The following LRP1B variants were observed in gnomAD, a reference collection of about 807,000 sequenced individuals.
LRP1B encodes low-density lipoprotein receptor-related protein 1B.
Under a neutral mutation model 556.6 loss-of-function variants are expected in LRP1B, and 217 were observed. That is an observed-to-expected ratio of 0.39 (90% CI 0.35 to 0.44). The LOEUF (loss-of-function observed/expected upper bound fraction) is 0.44, where lower values mean the gene tolerates loss of function less well. LRP1B is among the 20% of genes least tolerant of loss of function. LRP1B has a pLI of 1.00. For synonymous variants in LRP1B, 2,047 were observed against 1,865.8 expected, an observed-to-expected ratio of 1.10 and a Z score of -2.50; for missense variants, 5,053 against 5,620.8, an observed-to-expected ratio of 0.90 and a Z score of 3.23.
At chr2:140,968,208 G>A (rs1320502039) in intron 18 of LRP1B, among the ~76,000 whole-genome samples, 1 of 151,614 alleles carries the variant, frequency 6.6e-6, no homozygotes, top group Non-Finnish European at 1.5e-5. Context: ...CAATTTCAGA[G>A]CCTGTTATTG....
intron 18 of LRP1B, among the ~76,000 whole-genome samples, chr2:140,968,716 T>A (rs1425908229): frequency 6.6e-6 from 1 of 152,196 alleles, no homozygotes; most frequent in East Asian, 1.9e-4. Flanking sequence ...TCCCAGAGAT[T>A]CTGGTATGTT....
chr2:140,547,778 C>G (rs145687001), intron 43 of LRP1B, among the ~76,000 whole-genome samples: 1 of 151,950 alleles, frequency 6.6e-6, no homozygotes, highest in Admixed American at 6.6e-5. Flanking sequence ...TAATCAGTAT[C>G]CACTTTAGAA....
At chr2:140,861,566 T>TC (rs1440605797) in intron 27 of LRP1B, among the ~76,000 whole-genome samples, 2 of 152,200 alleles carry the variant, frequency 1.3e-5, no homozygotes, top group East Asian at 3.9e-4. Flanking sequence ...ACCCAAGCAA[T>TC]CTGGCTCTAG....
chr2:142,024,450 T>C (rs1395567027), intron 1 of LRP1B, among the ~76,000 whole-genome samples: 1 of 152,120 alleles, frequency 6.6e-6, no homozygotes, highest in South Asian at 2.1e-4. Flanking sequence ...AAAATGATGG[T>C]TCCTATCCTT....
rs2105171220 is a variant in LRP1B at position 140,373,028 on chromosome 2, T to C, written c.10748A>G (p.Asp3583Gly). Residue 3583 changes from aspartate to glycine, a missense_variant, in exon 69 of 91, where the codon GAT becomes GGT. Physicochemically the swap from Asp to Gly is moderately conservative, Grantham distance 94 (BLOSUM62 -1). Around this residue, in one of 5 missense-constraint regions of LRP1B, gnomAD observed 599 missense variants for 648.4 expected, o/e 0.92. Coordinates refer to ENST00000389484, the MANE Select transcript of LRP1B (RefSeq NM_018557.3). ...TTTACCTGGCTCACAGCTTTTCTCA[T>C]CTTCCCCATATTTGCAGTCTTCATG... ...DGHEDCKYGE[D>G]EKSCEPASPT... The C allele has an allele frequency of 1.2e-6, 2 of 1,613,476 alleles. No individual in the cohort carries two copies. Among genetic ancestry groups the C allele is most frequent in the Non-Finnish European group, 1.7e-6 (2 of 1,179,646 alleles).
rs933117349 is a variant in LRP1B at position 140,231,763 on chromosome 2, CACATATTTA to C, written c.*1414_*1422del. The C allele has an allele frequency of 2.0e-5, 3 of 151,366 alleles. No individual in the cohort carries two copies. Among genetic ancestry groups the C allele is most frequent in the African/African-American group, 7.3e-5 (3 of 41,198 alleles). 9.4% of individuals were successfully genotyped at this position (151,366 alleles called of 1,614,324 possible). Reference sequence around the variant, plus strand: ...CTTGTACAAAGGGATAAAGAGCAACCACATATTTAACATATTTCATCTGTTAGGTTAATA... The same window carrying C: ...CTTGTACAAAGGGATAAAGAGCAACCACATATTTCATCTGTTAGGTTAATA... On this transcript the variant is annotated 3_prime_UTR_variant, in exon 91 of 91. Coordinates refer to ENST00000389484, the MANE Select transcript of LRP1B (RefSeq NM_018557.3).
chr2:141,883,924 T>C (rs2104899162), intron 1 of LRP1B, among the ~76,000 whole-genome samples: 1 of 152,326 alleles, frequency 6.6e-6, no homozygotes, highest in Non-Finnish European at 1.5e-5. Context: ...CTTTTTATCT[T>C]ATGTATATGA....
At chr2:141,744,030 T>C (rs1208562823) in intron 2 of LRP1B, among the ~76,000 whole-genome samples, 1 of 151,986 alleles carries the variant, frequency 6.6e-6, no homozygotes, top group African/African-American at 2.4e-5. Flanking sequence ...TTTTCTTCTA[T>C]TTATTTTCAG....
At chr2:140,998,490 CCTAGCTTTACA>C (rs1697318928) in intron 15 of LRP1B, among the ~76,000 whole-genome samples, 3 of 151,912 alleles carry the variant, frequency 2.0e-5, no homozygotes. Flanking sequence ...TAATTGATCA[CCTAGCTTTACA>C]CATGCTTCTC....
At chr2:141,952,221 T>C (rs1701126532) in intron 1 of LRP1B, among the ~76,000 whole-genome samples, 2 of 152,024 alleles carry the variant, frequency 1.3e-5, no homozygotes, top group South Asian at 4.2e-4. Context: ...ATGGTGTATA[T>C]GTGCCACATT....
chr2:141,371,826 G>A (rs551782536), intron 3 of LRP1B, among the ~76,000 whole-genome samples: 2 of 151,988 alleles, frequency 1.3e-5, no homozygotes, highest in African/African-American at 4.8e-5. Context: ...GAGATAATTT[G>A]ACTTTCCCTT....
rs149553075 is a variant in LRP1B at position 142,028,786 on chromosome 2, C to G, written c.82+101862G>C. 2.1e-3 allele frequency among the ~76,000 whole-genome samples: 313 copies of G among 152,032 alleles called. 1 individual carries two copies. The highest frequency in any genetic ancestry group is 3.9e-3 in the Non-Finnish European group (267 of 67,896). The stretch of plus-strand genomic sequence containing the variant: ...TAACATTTTGCACTCTCCTCAGCAA[C>G]ATATGAGTTATAATTTCTTCATGCT... On this transcript the variant is annotated intron_variant, in intron 1 of 90. Transcript: ENST00000389484.
intron 3 of LRP1B, among the ~76,000 whole-genome samples, chr2:141,307,129 A>T (rs1417465586): frequency 6.6e-6 from 1 of 152,062 alleles, no homozygotes; most frequent in Non-Finnish European, 1.5e-5. Context: ...ATTTGGTCTA[A>T]TGTGCAGTTT....
At chr2:140,417,300 A>G (rs1448232214) in intron 66 of LRP1B, among the ~76,000 whole-genome samples, 1 of 152,220 alleles carries the variant, frequency 6.6e-6, no homozygotes, top group East Asian at 1.9e-4. Context: ...GCCTGCTACT[A>G]TGGATGTTTG....
rs1465161640 is a variant in LRP1B at position 141,522,942 on chromosome 2, G to A, written c.206-42409C>T. Among the ~76,000 whole-genome samples the A allele has an allele frequency of 5.3e-5, 8 of 152,198 alleles. No homozygotes were observed. The East Asian group carries it at 1.5e-3, about 29-fold the overall frequency. ...ATGACATAGACAGATCCAAATGACT[G>A]TCAGATCTGCCAGGAATCAGTATTT... On this transcript the variant is annotated intron_variant, in intron 2 of 90. Transcript: ENST00000389484.
intron 3 of LRP1B, among the ~76,000 whole-genome samples, chr2:141,475,818 TC>T (rs1218138072): frequency 6.6e-6 from 1 of 152,020 alleles, no homozygotes; most frequent in Non-Finnish European, 1.5e-5. Flanking sequence ...GAAGATCATC[TC>T]CCCACACCAT....
chr2:141,026,621 A>T (rs1174568583), intron 11 of LRP1B, among the ~76,000 whole-genome samples: 1 of 152,100 alleles, frequency 6.6e-6, no homozygotes, highest in East Asian at 1.9e-4. Flanking sequence ...GCAGAGAAAA[A>T]GGCTAGACAA....
chr2:141,617,695 G>A (rs1688359075), intron 2 of LRP1B, among the ~76,000 whole-genome samples: 1 of 152,100 alleles, frequency 6.6e-6, no homozygotes, highest in Non-Finnish European at 1.5e-5. Context: ...AGATTCACAA[G>A]ATAGGGCAAA....
chr2:141,428,531 C>G (rs55978533), intron 3 of LRP1B, among the ~76,000 whole-genome samples: 22,095 of 152,206 alleles, frequency 0.15, 1,812 homozygotes, highest in South Asian at 0.27. Context: ...CACCCCATCA[C>G]ATGTATGGGA....
Sources: gnomAD v4.1 joint callset for allele counts (sites outside exome capture counted in the v4.1 genomes callset) on GRCh38, gnomAD v4.1.1 for gene constraint, gnomAD v4.1.1 regional missense constraint, MANE v1.5 for transcripts, NCBI Gene and HGNC (gene_info 2026-07-23, HGNC 2026-07-21) for gene names.